The following PLXNA4 variants were observed in gnomAD, a reference collection of about 807,000 sequenced individuals.
The protein encoded by PLXNA4 is plexin-A4.
In PLXNA4, 44 loss-of-function variants were observed where a neutral mutation model predicts 191.8. That is an observed-to-expected ratio of 0.23 (90% confidence interval 0.18 to 0.29). PLXNA4 has a LOEUF of 0.29. Ranked by LOEUF, PLXNA4 falls within the 10% of genes least tolerant of loss-of-function variation. PLXNA4 has a pLI of 1.00. For synonymous variants in PLXNA4, 1,082 were observed against 1,009.5 expected, an observed-to-expected ratio of 1.07 and a Z score of -1.36; for missense variants, 1,800 against 2,488.8, an observed-to-expected ratio of 0.72 and a Z score of 5.89.
chr7:132,312,138 G>A (rs915526680), intron 3 of PLXNA4, among the ~76,000 whole-genome samples: 3 of 130,604 alleles, frequency 2.3e-5, no homozygotes, highest in Non-Finnish European at 4.7e-5. Flanking sequence ...GAGCCAAAGT[G>A]CCTTGAAGGA....
At chr7:132,411,346 C>G (rs778952202) in intron 3 of PLXNA4, among the ~76,000 whole-genome samples, 3 of 152,154 alleles carry the variant, frequency 2.0e-5, no homozygotes, top group Non-Finnish European at 2.9e-5. Flanking sequence ...CGGGCTTCAC[C>G]CTGGAATCCC....
chr7:132,182,458 G>A (rs140749118), intron 16 of PLXNA4, among the ~76,000 whole-genome samples: 17 of 152,272 alleles, frequency 1.1e-4, no homozygotes, highest in African/African-American at 3.9e-4. Context: ...CCAGTCAACA[G>A]CACAGCCCCC....
intron 5 of PLXNA4, among the ~76,000 whole-genome samples, chr7:132,236,030 A>G (rs958666361): frequency 3.3e-5 from 5 of 152,176 alleles, no homozygotes; most frequent in African/African-American, 1.2e-4. Context: ...AGGGGCTGCA[A>G]AAGAGAGCAA....
chr7:132,621,635 A>G (rs1213952317), intron 2 of PLXNA4, among the ~76,000 whole-genome samples: 2 of 152,186 alleles, frequency 1.3e-5, no homozygotes, highest in East Asian at 3.9e-4. Flanking sequence ...GTGTTACTCT[A>G]GGAAAAAATA....
chr7:132,585,606 G>A (rs767683757), intron 2 of PLXNA4, among the ~76,000 whole-genome samples: 1 of 152,168 alleles, frequency 6.6e-6, no homozygotes, highest in Non-Finnish European at 1.5e-5. Flanking sequence ...GTTATGAAAT[G>A]CCACTCTCTG....
At position 132,508,907 on chromosome 7, in the gene PLXNA4, G is replaced by A. The variant is rs1798597241; in HGVS notation, c.-86-128C>T. On this transcript the variant is annotated intron_variant, in intron 1 of 31. Transcript: ENST00000321063. The surrounding 1 kb of genome is among the most constrained non-coding windows in gnomAD (Gnocchi z 4.4). ...CAGAACTGCACTGGGGGGTGCTGGAGGCTGACTGAGTCAACCCCCACCACG... is the reference window on the plus strand; with the variant it reads ...CAGAACTGCACTGGGGGGTGCTGGAAGCTGACTGAGTCAACCCCCACCACG... 1 of 961,286 alleles carries A rather than the reference G, an allele frequency of 1.0e-6. No individual in the cohort carries two copies. The highest frequency in any genetic ancestry group is 1.6e-5 in the African/African-American group (1 of 60,956). The allele number at this position is 961,286 out of a possible 1,614,324, so 59.5% of individuals were successfully genotyped here.
At chr7:132,417,419 T>A (rs962203373) in intron 3 of PLXNA4, among the ~76,000 whole-genome samples, 2 of 152,148 alleles carry the variant, frequency 1.3e-5, no homozygotes, top group Non-Finnish European at 2.9e-5. Context: ...ACATATTCAG[T>A]CACTTAAATG....
At chr7:132,410,140 A>C (rs1794391330) in intron 3 of PLXNA4, among the ~76,000 whole-genome samples, 1 of 152,066 alleles carries the variant, frequency 6.6e-6, no homozygotes, top group Non-Finnish European at 1.5e-5. Flanking sequence ...AAGTTGGGGG[A>C]TGGCAACAGT....
chr7:132,522,964 G>C (rs988552175), intron 1 of PLXNA4, among the ~76,000 whole-genome samples: 3 of 151,882 alleles, frequency 2.0e-5, no homozygotes, highest in African/African-American at 4.8e-5. Flanking sequence ...GTGCACAATG[G>C]AGCTCAAGGA....
chr7:132,636,513 C>T (rs1423360790), intron 2 of PLXNA4, among the ~76,000 whole-genome samples: 9 of 152,180 alleles, frequency 5.9e-5, no homozygotes, highest in Non-Finnish European at 7.3e-5. Flanking sequence ...CCCACACTCT[C>T]GGCTCCATCC....
At chr7:132,323,819 G>A (rs760318473) in intron 3 of PLXNA4, among the ~76,000 whole-genome samples, 3 of 152,166 alleles carry the variant, frequency 2.0e-5, no homozygotes, top group Non-Finnish European at 2.9e-5. Flanking sequence ...AAATATCTGG[G>A]TGGCTGCAGG....
chr7:132,330,560 A>G (rs1802551218), intron 3 of PLXNA4, among the ~76,000 whole-genome samples: 4 of 152,214 alleles, frequency 2.6e-5, no homozygotes. Context: ...AAATGTAAAG[A>G]AGTTGGCTAA....
At chr7:132,628,964 C>T (rs1269290151) in intron 2 of PLXNA4, among the ~76,000 whole-genome samples, 2 of 152,300 alleles carry the variant, frequency 1.3e-5, no homozygotes, top group East Asian at 3.9e-4. Context: ...TGTCTTATGT[C>T]CTTGGCTGTC....
intron 25 of PLXNA4, among the ~76,000 whole-genome samples, 169 bp downstream of exon 25, chr7:132,159,304 G>A (rs1795881299): frequency 6.6e-6 from 1 of 152,132 alleles, no homozygotes; most frequent in Non-Finnish European, 1.5e-5. Flanking sequence ...AAGCAGGCCA[G>A]GAAGGCAACC....
intron 3 of PLXNA4, among the ~76,000 whole-genome samples, chr7:132,444,096 C>A (rs977647998): frequency 6.6e-6 from 1 of 152,222 alleles, no homozygotes; most frequent in African/African-American, 2.4e-5. Context: ...GAATTTCAGC[C>A]TTGATTAATA....
At chr7:132,539,893 C>T (rs1041243577) in intron 1 of PLXNA4, among the ~76,000 whole-genome samples, 1 of 152,188 alleles carries the variant, frequency 6.6e-6, no homozygotes, top group Admixed American at 6.5e-5. Context: ...TCAAAGATAT[C>T]TTAATAGCCA....
intron 2 of PLXNA4, among the ~76,000 whole-genome samples, chr7:132,585,955 T>C (rs1221266986): frequency 6.6e-6 from 1 of 152,196 alleles, no homozygotes; most frequent in Admixed American, 6.5e-5. Context: ...CAAACTTGGT[T>C]AGGCTGGTGT....
At chr7:132,471,128 T>C (rs1237921396) in intron 3 of PLXNA4, among the ~76,000 whole-genome samples, 5 of 152,192 alleles carry the variant, frequency 3.3e-5, no homozygotes, top group Admixed American at 2.0e-4. Flanking sequence ...TGTTTAAAGG[T>C]GTGTGGCACC....
At chr7:132,333,139 C>T (rs1802661787) in intron 3 of PLXNA4, among the ~76,000 whole-genome samples, 2 of 152,162 alleles carry the variant, frequency 1.3e-5, no homozygotes, top group South Asian at 2.1e-4. Flanking sequence ...ATGCTGTGGT[C>T]GGAAACTAGG....
Sources: gnomAD v4.1 joint callset for allele counts (sites outside exome capture counted in the v4.1 genomes callset) on GRCh38, gnomAD v4.1.1 for gene constraint, Gnocchi (gnomAD v3.1) non-coding constraint, MANE v1.5 for transcripts, NCBI Gene and HGNC (gene_info 2026-07-23, HGNC 2026-07-21) for gene names.